The following UST variants were observed in gnomAD, a reference collection of about 807,000 sequenced individuals.
UST encodes the protein uronyl 2-sulfotransferase, also known as chondroitin sulfate 2-O-sulfotransferase.
A neutral mutation model predicts 45.6 loss-of-function variants in UST; 21 were observed. The observed-to-expected ratio is 0.46, with a 90% CI of 0.33 to 0.66. UST has a LOEUF of 0.66. UST is among the 30% of genes least tolerant of loss of function. The pLI, the probability that UST is intolerant of heterozygous loss-of-function variation, is 0.02. For synonymous variants in UST, 215 were observed against 200.6 expected, an observed-to-expected ratio of 1.07 and a Z score of -0.61; for missense variants, 463 against 512.4, an observed-to-expected ratio of 0.90 and a Z score of 0.93.
At chr6:148,767,708 C>T (rs1776347565) in intron 1 of UST, among the ~76,000 whole-genome samples, 1 of 152,078 alleles carries the variant, frequency 6.6e-6, no homozygotes, top group Non-Finnish European at 1.5e-5. Flanking sequence ...TTAATACATG[C>T]TCATTGTAAA....
At chr6:148,831,165 G>T (rs558044991) in intron 1 of UST, among the ~76,000 whole-genome samples, 1 of 152,238 alleles carries the variant, frequency 6.6e-6, no homozygotes, top group African/African-American at 2.4e-5. Context: ...TGTGCCCTTT[G>T]CTTTCGTCTT....
At chr6:149,013,382 C>T (rs1009218332) in intron 5 of UST, among the ~76,000 whole-genome samples, 3 of 152,040 alleles carry the variant, frequency 2.0e-5, no homozygotes, top group African/African-American at 2.4e-5. Flanking sequence ...AAAAATTAGC[C>T]GGGCATGGTG....
chr6:148,912,624 C>T (rs1387435421), intron 2 of UST, among the ~76,000 whole-genome samples: 1 of 152,228 alleles, frequency 6.6e-6, no homozygotes, highest in Non-Finnish European at 1.5e-5. Flanking sequence ...AAAATCCTCC[C>T]TGGCCGGTCA....
intron 7 of UST, among the ~76,000 whole-genome samples, chr6:149,054,359 A>G (rs980183018): frequency 2.0e-5 from 3 of 152,222 alleles, no homozygotes; most frequent in Admixed American, 1.3e-4. Flanking sequence ...AAAGTTTTCA[A>G]TGAGGATATG....
intron 1 of UST, among the ~76,000 whole-genome samples, chr6:148,761,481 A>G (rs1776219267): frequency 6.6e-6 from 1 of 151,596 alleles, no homozygotes; most frequent in African/African-American, 2.4e-5. Flanking sequence ...ATCTCTTGCA[A>G]TTTCATTCTG....
At chr6:148,951,134 C>A (rs545311883) in intron 3 of UST, among the ~76,000 whole-genome samples, 32 of 152,332 alleles carry the variant, frequency 2.1e-4, no homozygotes, top group African/African-American at 7.2e-4. Flanking sequence ...TGGCTGGCCA[C>A]AGCATGTGTG....
At chr6:148,883,332 A>C (rs1778857387) in intron 1 of UST, among the ~76,000 whole-genome samples, 1 of 152,238 alleles carries the variant, frequency 6.6e-6, no homozygotes, top group Non-Finnish European at 1.5e-5. Flanking sequence ...GCCGTTAGAC[A>C]TCCAAGCTGA....
chr6:148,911,262 C>T (rs1186670306), intron 2 of UST, among the ~76,000 whole-genome samples: 2 of 152,210 alleles, frequency 1.3e-5, no homozygotes, highest in African/African-American at 2.4e-5. Context: ...CTGGACCTCT[C>T]TCTGAGAGGT....
intron 1 of UST, among the ~76,000 whole-genome samples, chr6:148,886,781 ATGTT>A (rs1464438287): frequency 1.3e-5 from 2 of 152,234 alleles, no homozygotes; most frequent in African/African-American, 4.8e-5. Flanking sequence ...TGTATGTAGA[ATGTT>A]TGTAACAGCT....
chr6:148,820,142 G>A (rs7761991), intron 1 of UST, among the ~76,000 whole-genome samples: 117,105 of 152,188 alleles, frequency 0.77, 45,928 homozygotes, highest in East Asian at 0.98. Flanking sequence ...AACCGTTTGA[G>A]GATATCGACA....
chr6:148,772,713 G>A (rs1021849445), intron 1 of UST, among the ~76,000 whole-genome samples: 2 of 151,796 alleles, frequency 1.3e-5, no homozygotes, highest in Non-Finnish European at 2.9e-5. Flanking sequence ...TTGAGCCACC[G>A]TGTCCAGCCC....
chr6:148,946,521 A>AAAAAAAAAAAAAAAAAAAAC, intron 3 of UST, among the ~76,000 whole-genome samples: 1 of 141,878 alleles, frequency 7.0e-6, no homozygotes, highest in Admixed American at 7.1e-5. Context: ...AAAAAAAAAA[A>AAAAAAAAAAAAAAAAAAAAC]AAAAAAAAGG....
chr6:148,920,160 C>T (rs527905603), intron 2 of UST, among the ~76,000 whole-genome samples: 79 of 146,494 alleles, frequency 5.4e-4, no homozygotes, highest in African/African-American at 2.0e-3. Flanking sequence ...AAGCTTAGAC[C>T]GGCTTGTGAT....
intron 5 of UST, among the ~76,000 whole-genome samples, chr6:149,018,010 G>A (rs905986315): frequency 1.1e-4 from 16 of 151,958 alleles, no homozygotes; most frequent in African/African-American, 3.6e-4. Flanking sequence ...CTGCACCTCC[G>A]CCTCTCATGG....
chr6:148,997,379 G>A (rs1781472004), intron 5 of UST, among the ~76,000 whole-genome samples: 1 of 152,110 alleles, frequency 6.6e-6, no homozygotes, highest in Admixed American at 6.5e-5. Context: ...AATTATAAAG[G>A]TCTGAGGATT....
intron 1 of UST, among the ~76,000 whole-genome samples, chr6:148,839,761 T>C (rs112584346): frequency 6.6e-5 from 10 of 152,268 alleles, no homozygotes; most frequent in African/African-American, 2.4e-4. Context: ...GTTTCCCAGA[T>C]GATGCTATGG....
intron 7 of UST, among the ~76,000 whole-genome samples, chr6:149,037,180 C>T (rs541278103): frequency 6.6e-6 from 1 of 152,200 alleles, no homozygotes; most frequent in South Asian, 2.1e-4. Flanking sequence ...GCTCGTCTGC[C>T]GCAGCTGCTC....
At chr6:149,047,525 T>C (rs934951609) in intron 7 of UST, among the ~76,000 whole-genome samples, 29 of 152,204 alleles carry the variant, frequency 1.9e-4, no homozygotes, top group African/African-American at 7.0e-4. Flanking sequence ...CTCTGAAATC[T>C]AATCTTATGT....
At chr6:149,009,693 A>T (rs1352969723) in intron 5 of UST, among the ~76,000 whole-genome samples, 1 of 152,228 alleles carries the variant, frequency 6.6e-6, no homozygotes, top group African/African-American at 2.4e-5. Flanking sequence ...ACTTCAGCAA[A>T]ACGAGGGAGT....
Sources: allele counts gnomAD v4.1 joint callset (sites outside exome capture counted in the v4.1 genomes callset), GRCh38; gene constraint gnomAD v4.1.1; transcripts MANE v1.5; gene names NCBI Gene and HGNC (gene_info 2026-07-23, HGNC 2026-07-21).